Variants in CDH18 observed in about 807,000 individuals in gnomAD.
CDH18 encodes the protein cadherin-18.
In CDH18, 31 loss-of-function variants were observed where a neutral mutation model predicts 67.9. The ratio of observed to expected loss-of-function variants is 0.46; its 90% CI spans 0.34 to 0.62. The LOEUF (loss-of-function observed/expected upper bound fraction) is 0.62, where lower values mean the gene tolerates loss of function less well. Ranked by LOEUF, CDH18 falls within the 20% of genes least tolerant of loss-of-function variation. CDH18 has a pLI of 0.01. For missense variants in CDH18, 890 were observed against 975.5 expected, an observed-to-expected ratio of 0.91 and a Z score of 1.17; for synonymous variants, 362 against 347.2, an observed-to-expected ratio of 1.04 and a Z score of -0.48.
chr5:20,378,031 T>A (rs1340295290), intron 1 of CDH18, among the ~76,000 whole-genome samples: 1 of 152,182 alleles, frequency 6.6e-6, no homozygotes, highest in East Asian at 1.9e-4. Context: ...GCTGTTGAAG[T>A]GTCATCTGAT....
intron 9 of CDH18, among the ~76,000 whole-genome samples, chr5:19,532,618 G>T (rs772077369): frequency 1.3e-5 from 2 of 152,124 alleles, no homozygotes; most frequent in Non-Finnish European, 2.9e-5. Flanking sequence ...CATTATGACA[G>T]CTGGGTGAAT....
chr5:19,757,868 G>A (rs765885661), intron 3 of CDH18, among the ~76,000 whole-genome samples: 12 of 152,202 alleles, frequency 7.9e-5, no homozygotes, highest in Non-Finnish European at 1.8e-4. Context: ...TGCCCATTGG[G>A]AAGATTTCCC....
chr5:19,561,279 A>G (rs1422194098), intron 8 of CDH18, among the ~76,000 whole-genome samples: 1 of 152,088 alleles, frequency 6.6e-6, no homozygotes, highest in Non-Finnish European at 1.5e-5. Context: ...CCGTCAATGT[A>G]GGGATAAAGA....
At chr5:19,860,425 T>C (rs1004891319) in intron 2 of CDH18, among the ~76,000 whole-genome samples, 2 of 151,388 alleles carry the variant, frequency 1.3e-5, no homozygotes, top group African/African-American at 4.9e-5. Context: ...CCTTCTTTTC[T>C]TCTTCTTCTT....
chr5:19,539,225 T>C (rs1749866626), intron 9 of CDH18, among the ~76,000 whole-genome samples: 1 of 152,198 alleles, frequency 6.6e-6, no homozygotes, highest in Non-Finnish European at 1.5e-5. Context: ...TCCAAGGTTG[T>C]TTTATTACCA....
In CDH18 at chr5:20,378,896, A is replaced by C. The variant is rs142851833; in HGVS notation, c.-579-123391T>G. Among the ~76,000 whole-genome samples the C allele has an allele frequency of 3.3e-3, 510 of 152,254 alleles. 1 individual carries two copies. The highest frequency in any genetic ancestry group is 0.011 in the African/African-American group (469 of 41,552). ...CTTTGCAATACACATAAAAACAATAAGAAAAGATATCTTACCTTAATTTTC... is the reference window on the plus strand; with the variant it reads ...CTTTGCAATACACATAAAAACAATACGAAAAGATATCTTACCTTAATTTTC... On this transcript the variant is annotated intron_variant, in intron 1 of 14. Coordinates refer to the CDH18 transcript ENST00000507958.
chr5:20,517,441 G>C (rs182879171), intron 1 of CDH18, among the ~76,000 whole-genome samples: 1 of 151,508 alleles, frequency 6.6e-6, no homozygotes, highest in Admixed American at 6.6e-5. Context: ...TAATATTCCA[G>C]GTTAAACAAA....
chr5:20,060,481 G>A (rs1433704735), intron 2 of CDH18, among the ~76,000 whole-genome samples: 2 of 151,842 alleles, frequency 1.3e-5, no homozygotes, highest in African/African-American at 4.8e-5. Flanking sequence ...GAAAAAAAAA[G>A]AATGTAAATA....
chr5:19,862,082 G>C (rs907684480), intron 2 of CDH18, among the ~76,000 whole-genome samples: 1 of 152,156 alleles, frequency 6.6e-6, no homozygotes, highest in Non-Finnish European at 1.5e-5. Flanking sequence ...ATGTATATCA[G>C]GGTAGCCCAA....
rs1778825914 is a variant in CDH18, at chr5:19,812,378, T to A, written c.228+26381A>T. ...GGAGGTTTAAAAATAACTTGGTGTA[T>A]TATGAAAGTGCATGTAGAACGTAGA... On this transcript the variant is annotated intron_variant, in intron 3 of 12. Transcript: ENST00000382275. Among the ~76,000 whole-genome samples the A allele has an allele frequency of 2.0e-5, 3 of 152,154 alleles. No homozygotes were observed. The South Asian group carries it at 6.2e-4, about 31-fold the overall frequency.
At chr5:19,664,686 T>C (rs959916546) in intron 5 of CDH18, among the ~76,000 whole-genome samples, 3 of 151,992 alleles carry the variant, frequency 2.0e-5, no homozygotes, top group Admixed American at 1.3e-4. Flanking sequence ...TCAGGTTGCA[T>C]TGGAATAAGC....
At chr5:20,325,910 G>A (rs1392333355) in intron 1 of CDH18, among the ~76,000 whole-genome samples, 1 of 152,130 alleles carries the variant, frequency 6.6e-6, no homozygotes, top group African/African-American at 2.4e-5. Flanking sequence ...TGTGAAAAAT[G>A]AGAAACACCC....
chr5:20,356,719 G>GTCTCTC (rs199599355), intron 1 of CDH18, among the ~76,000 whole-genome samples: 79 of 130,014 alleles, frequency 6.1e-4, no homozygotes, highest in East Asian at 4.2e-3. Flanking sequence ...ATATACCAAG[G>GTCTCTC]TCTCTCTCTC....
intron 2 of CDH18, among the ~76,000 whole-genome samples, chr5:20,176,387 C>T (rs1465563615): frequency 6.6e-6 from 1 of 152,146 alleles, no homozygotes; most frequent in Non-Finnish European, 1.5e-5. Context: ...AAATACAAAT[C>T]AACCCTTGCC....
At chr5:20,023,366 G>T in intron 2 of CDH18, among the ~76,000 whole-genome samples, 1 of 151,986 alleles carries the variant, frequency 6.6e-6, no homozygotes, top group East Asian at 1.9e-4. Context: ...CATTGGCCAG[G>T]TTTCTCAGCT....
chr5:20,373,012 A>C lies in CDH18; in HGVS notation c.-579-117507T>G, dbSNP rs1310888865. 2.0e-5 allele frequency among the ~76,000 whole-genome samples: 3 copies of C among 152,200 alleles called. No individual in the cohort carries two copies. In the East Asian group the frequency reaches 5.8e-4, roughly 29 times the overall value. ...CTACTGTGAGGCTTCAATGACAGAC[A>C]TTAATGACAGGAACAAATGCCCATA... On this transcript the variant is annotated intron_variant, in intron 1 of 14. Transcript: ENST00000507958.
intron 5 of CDH18, among the ~76,000 whole-genome samples, chr5:19,664,283 GA>G (rs34734087): frequency 0.67 from 101,035 of 151,462 alleles, 33,831 homozygotes; most frequent in South Asian, 0.75. Context: ...GGTCCTATGG[GA>G]AAAATTAATG....
chr5:20,554,076 A>T (rs1757779649), intron 1 of CDH18, among the ~76,000 whole-genome samples: 1 of 152,174 alleles, frequency 6.6e-6, no homozygotes, highest in African/African-American at 2.4e-5. Flanking sequence ...CCATATTTTT[A>T]AATGTAATGT....
intron 1 of CDH18, among the ~76,000 whole-genome samples, chr5:20,574,746 T>C (rs1398408576): frequency 1.3e-5 from 2 of 152,138 alleles, no homozygotes; most frequent in Non-Finnish European, 2.9e-5. Context: ...TATTCACAGA[T>C]GCTTAACCCG....
Sources: allele counts gnomAD v4.1 joint callset (sites outside exome capture counted in the v4.1 genomes callset), GRCh38; gene constraint gnomAD v4.1.1; transcripts MANE v1.5; gene names NCBI Gene and HGNC (gene_info 2026-07-23, HGNC 2026-07-21).